Variants in GRM7 observed in about 807,000 individuals in gnomAD.
GRM7 encodes metabotropic glutamate receptor 7.
A neutral mutation model predicts 84.5 loss-of-function variants in GRM7; 35 were observed. The observed-to-expected ratio is 0.41, with a 90% confidence interval of 0.32 to 0.55. The LOEUF (loss-of-function observed/expected upper bound fraction) is 0.55. GRM7 is among the 20% of genes least tolerant of loss of function. GRM7 has a pLI of 0.19. For synonymous variants in GRM7, 487 were observed against 455.1 expected (o/e 1.07, Z -0.89); for missense variants, 1,003 against 1,194.6 (o/e 0.84, Z 2.36).
chr3:7,063,735 A>AC (rs1697516941), intron 1 of GRM7, among the ~76,000 whole-genome samples: 1 of 151,422 alleles, frequency 6.6e-6, no homozygotes, highest in African/African-American at 2.4e-5. Flanking sequence ...ACCCAAGGTC[A>AC]CCCCCTATTC....
rs971344448 is a variant in GRM7 at position 7,277,430 on chromosome 3, C to T, written c.737-21254C>T. Among the ~76,000 whole-genome samples, 11 of 151,918 alleles carry T rather than the reference C, an allele frequency of 7.2e-5. No homozygotes were observed. In the East Asian group the frequency reaches 7.8e-4, roughly 11 times the overall value. ...TCCATTTTGAACCAATCAGAAGTGG[C>T]ATGGGGTACAGCTTCAGATGATATA... On this transcript the variant is annotated intron_variant, in intron 2 of 9. Coordinates refer to ENST00000357716, the MANE Select transcript of GRM7 (RefSeq NM_000844.4).
chr3:7,143,613 T>C (rs1694018961), intron 1 of GRM7, among the ~76,000 whole-genome samples: 1 of 152,138 alleles, frequency 6.6e-6, no homozygotes, highest in Non-Finnish European at 1.5e-5. Flanking sequence ...AGGATTTTCA[T>C]TACTAAAATA....
chr3:7,693,594 A>G lies in GRM7; in HGVS notation c.2698+13299A>G, dbSNP rs998005175. 9.0e-6 allele frequency: 12 copies of G among 1,328,536 alleles called. No homozygotes were observed. In the Middle Eastern group the frequency reaches 7.1e-4, roughly 79 times the overall value. 82.3% of individuals were successfully genotyped at this position (1,328,536 alleles called of 1,614,324 possible). On this transcript the variant is annotated intron_variant, in intron 9 of 9. Coordinates refer to ENST00000357716, the MANE Select transcript of GRM7 (RefSeq NM_000844.4). The stretch of plus-strand genomic sequence containing the variant: ...TGCATTTAATTTCCTGTGGTTTGCC[A>G]AAGTCCAGACTGAGACTTGAGCTGT...
At chr3:7,021,922 T>G (rs1456238105) in intron 1 of GRM7, among the ~76,000 whole-genome samples, 1 of 152,220 alleles carries the variant, frequency 6.6e-6, no homozygotes, top group Non-Finnish European at 1.5e-5. Context: ...TGTTGCCTAA[T>G]GCGTTACTAC....
At chr3:7,027,647 C>A (rs1200007132) in intron 1 of GRM7, among the ~76,000 whole-genome samples, 1 of 152,032 alleles carries the variant, frequency 6.6e-6, no homozygotes, top group African/African-American at 2.4e-5. Flanking sequence ...AGGCAAAAAA[C>A]CTTGTAAGAG....
chr3:7,420,909 A>C (rs1298055277), intron 5 of GRM7, among the ~76,000 whole-genome samples: 2 of 152,162 alleles, frequency 1.3e-5, no homozygotes, highest in African/African-American at 4.8e-5. Flanking sequence ...AGGATTCTTC[A>C]AGTTAAAATG....
chr3:7,353,224 C>T (rs1379436366), intron 4 of GRM7, among the ~76,000 whole-genome samples: 2 of 151,986 alleles, frequency 1.3e-5, no homozygotes, highest in African/African-American at 4.8e-5. Context: ...AAGAGTGACT[C>T]ATGAGGAAGT....
intron 1 of GRM7, among the ~76,000 whole-genome samples, chr3:6,957,893 G>A (rs1039815954): frequency 4.6e-5 from 7 of 152,132 alleles, no homozygotes; most frequent in Admixed American, 4.6e-4. Context: ...ACACTTGGAT[G>A]CATTTTACAA....
chr3:7,328,460 T>C (rs1391592315), intron 4 of GRM7, among the ~76,000 whole-genome samples: 1 of 152,176 alleles, frequency 6.6e-6, no homozygotes, highest in African/African-American at 2.4e-5. Flanking sequence ...TTCTGGCCCA[T>C]AGGATGCTAG....
At chr3:7,606,461 C>T (rs1202804749) in intron 8 of GRM7, among the ~76,000 whole-genome samples, 1 of 152,116 alleles carries the variant, frequency 6.6e-6, no homozygotes, top group Non-Finnish European at 1.5e-5. Context: ...ATAAAACACA[C>T]AAATAAGCAT....
chr3:7,031,527 C>G (rs1256151856), intron 1 of GRM7, among the ~76,000 whole-genome samples: 2 of 152,016 alleles, frequency 1.3e-5, no homozygotes, highest in Non-Finnish European at 1.5e-5. Flanking sequence ...TGCCATTCTC[C>G]TGCCCCAGCC....
At chr3:7,721,908 C>T (rs776320986) in intron 9 of GRM7, among the ~76,000 whole-genome samples, 1 of 152,182 alleles carries the variant, frequency 6.6e-6, no homozygotes, top group East Asian at 1.9e-4. Context: ...CACAAGATTT[C>T]GAGGTCACAC....
intron 1 of GRM7, among the ~76,000 whole-genome samples, chr3:7,053,949 TCTTA>T (rs1559408871): frequency 6.6e-6 from 1 of 151,224 alleles, no homozygotes; most frequent in African/African-American, 2.4e-5. Context: ...TCATACAAAC[TCTTA>T]CTGTGACAAT....
intron 8 of GRM7, among the ~76,000 whole-genome samples, chr3:7,616,909 A>C (rs962771529): frequency 1.3e-5 from 2 of 152,178 alleles, no homozygotes; most frequent in Admixed American, 6.6e-5. Flanking sequence ...ACGTAGATTC[A>C]ATGTAATTCT....
intron 1 of GRM7, among the ~76,000 whole-genome samples, chr3:7,132,578 C>T (rs1361275367): frequency 6.6e-6 from 1 of 151,982 alleles, no homozygotes; most frequent in African/African-American, 2.4e-5. Context: ...GACTATGAGG[C>T]ATATCAAAGG....
intron 9 of GRM7, among the ~76,000 whole-genome samples, chr3:7,737,021 T>G (rs1006655732): frequency 6.6e-6 from 1 of 152,186 alleles, no homozygotes; most frequent in African/African-American, 2.4e-5. Context: ...TCTATGAGGC[T>G]CTCTTTTCTA....
chr3:7,400,547 A>T (rs1225720986), intron 4 of GRM7, among the ~76,000 whole-genome samples: 1 of 152,154 alleles, frequency 6.6e-6, no homozygotes, highest in African/African-American at 2.4e-5. Flanking sequence ...CACAAGTGAT[A>T]CAACCACCTC....
chr3:7,534,275 A>C (rs1352699374), intron 7 of GRM7, among the ~76,000 whole-genome samples: 1 of 152,118 alleles, frequency 6.6e-6, no homozygotes. Flanking sequence ...CAGCCTCCCA[A>C]AGTGCTGTGA....
chr3:7,249,017 T>C (rs192630884), intron 2 of GRM7, among the ~76,000 whole-genome samples: 1 of 152,146 alleles, frequency 6.6e-6, no homozygotes, highest in Admixed American at 6.6e-5. Flanking sequence ...TGAACATGGA[T>C]ATAGATATTT....
Sources: allele counts gnomAD v4.1 joint callset (sites outside exome capture counted in the v4.1 genomes callset), GRCh38; gene constraint gnomAD v4.1.1; transcripts MANE v1.5; gene names NCBI Gene and HGNC (gene_info 2026-07-23, HGNC 2026-07-21).